Variants in INSYN2B observed in about 807,000 individuals in gnomAD.
INSYN2B encodes the protein protein INSYN2B.
In INSYN2B, 16 loss-of-function variants were observed where a neutral mutation model predicts 41.2. The observed-to-expected ratio is 0.39, with a 90% confidence interval of 0.26 to 0.59. INSYN2B has a LOEUF of 0.59. INSYN2B is among the 20% of genes least tolerant of loss of function. INSYN2B has a pLI of 0.57. For missense variants in INSYN2B, 608 were observed against 646.4 expected (o/e 0.94, Z 0.64); for synonymous variants, 245 against 244.4 (o/e 1.00, Z -0.02).
At chr5:169,951,560 A>G (rs1389885852) in intron 1 of INSYN2B, among the ~76,000 whole-genome samples, 1 of 152,226 alleles carries the variant, frequency 6.6e-6, no homozygotes, top group Non-Finnish European at 1.5e-5. Context: ...CTTGGATCAC[A>G]CCCTGATCAG....
intron 1 of INSYN2B, among the ~76,000 whole-genome samples, chr5:169,979,081 G>A (rs6876063): frequency 0.014 from 2,194 of 152,168 alleles, 54 homozygotes; most frequent in African/African-American, 0.049. Flanking sequence ...TAAATATGTC[G>A]ATTACAGAAT....
rs143970568 is a variant in INSYN2B, at chr5:169,869,075, T to C, written c.1422-4616A>G. On this transcript the variant is annotated intron_variant, in intron 3 of 3. Coordinates refer to ENST00000377365, the MANE Select transcript of INSYN2B (RefSeq NM_001129891.3). The stretch of plus-strand genomic sequence containing the variant: ...GGGATGCAATAGCAGCTGAAATCAC[T>C]GCACATGGAACACTGTCTTGGCCCA... Among the ~76,000 whole-genome samples, 1,296 of 152,276 alleles carry C rather than the reference T, an allele frequency of 8.5e-3. 21 individuals carry two copies. The highest frequency in any genetic ancestry group is 0.028 in the African/African-American group (1,144 of 41,542).
intron 1 of INSYN2B, among the ~76,000 whole-genome samples, chr5:169,973,427 T>C (rs146392520): frequency 4.6e-4 from 70 of 152,284 alleles, no homozygotes; most frequent in African/African-American, 1.6e-3. Context: ...ATACCTAGTG[T>C]GTGCCAGGCT....
In INSYN2B at chr5:169,925,678, C is replaced by T. The variant is rs1323388999; in HGVS notation, c.-918-40862G>A. 2.0e-5 allele frequency among the ~76,000 whole-genome samples: 3 copies of T among 148,452 alleles called. No individual in the cohort carries two copies. The Admixed American group carries it at 2.0e-4, about 10-fold the overall frequency. On this transcript the variant is annotated intron_variant, in intron 1 of 3. Transcript: ENST00000377365. Reference sequence around the variant, plus strand: ...TGTGACCTGTGGGACTTCTGTAGTTCAGTTTCTTCATCTGTAGAACGGAGT... The same window carrying T: ...TGTGACCTGTGGGACTTCTGTAGTTTAGTTTCTTCATCTGTAGAACGGAGT...
At chr5:169,923,366 G>C (rs774476326) in intron 1 of INSYN2B, among the ~76,000 whole-genome samples, 7 of 152,152 alleles carry the variant, frequency 4.6e-5, no homozygotes, top group Admixed American at 1.3e-4. Flanking sequence ...ATAATGAAGG[G>C]GCATACGCAG....
chr5:169,903,313 A>G (rs1467082428), intron 1 of INSYN2B, among the ~76,000 whole-genome samples: 1 of 57,724 alleles, frequency 1.7e-5, no homozygotes, highest in Non-Finnish European at 4.6e-5. Context: ...AACAACAATA[A>G]AAAAAAAAAA....
chr5:169,879,520 ATGAGGGATATATGCATACAAT>A (rs1267485505), intron 3 of INSYN2B, among the ~76,000 whole-genome samples: 1 of 152,174 alleles, frequency 6.6e-6, no homozygotes, highest in African/African-American at 2.4e-5. Flanking sequence ...TTGAATGGTA[ATGAGGGATATATGCATACAAT>A]TGCTGTTCTT....
intron 3 of INSYN2B, among the ~76,000 whole-genome samples, chr5:169,869,700 A>G (rs972754599): frequency 4.6e-5 from 7 of 152,240 alleles, no homozygotes; most frequent in Non-Finnish European, 1.0e-4. Context: ...TAAGTTGCCA[A>G]CTTGGTGAAA....
At chr5:169,915,043 C>T (rs1318202070) in intron 1 of INSYN2B, among the ~76,000 whole-genome samples, 1 of 152,196 alleles carries the variant, frequency 6.6e-6, no homozygotes, top group East Asian at 1.9e-4. Context: ...CCCTGGACAG[C>T]GACCAGCTGT....
intron 1 of INSYN2B, among the ~76,000 whole-genome samples, chr5:169,949,015 A>G (rs189696910): frequency 2.5e-4 from 38 of 152,314 alleles, no homozygotes; most frequent in Admixed American, 9.2e-4. Flanking sequence ...AAGCCTCTGC[A>G]TGTCCTCCCA....
At chr5:169,877,064 G>A (rs1362434275) in intron 3 of INSYN2B, among the ~76,000 whole-genome samples, 2 of 152,180 alleles carry the variant, frequency 1.3e-5, no homozygotes, top group Non-Finnish European at 2.9e-5. Context: ...TGGATTGTGA[G>A]GTTGTCCAGA....
intron 3 of INSYN2B, among the ~76,000 whole-genome samples, chr5:169,872,038 A>G (rs261020): frequency 0.79 from 119,534 of 152,102 alleles, 47,722 homozygotes; most frequent in African/African-American, 0.9. Flanking sequence ...CAGGCATGCC[A>G]ACAAGCCACT....
At chr5:169,925,010 A>T (rs957896271) in intron 1 of INSYN2B, among the ~76,000 whole-genome samples, 1 of 151,976 alleles carries the variant, frequency 6.6e-6, no homozygotes, top group Non-Finnish European at 1.5e-5. Flanking sequence ...CAGAGTATTG[A>T]CTCAAGTAAT....
intron 3 of INSYN2B, among the ~76,000 whole-genome samples, chr5:169,865,960 C>T (rs987199556): frequency 1.3e-5 from 2 of 152,198 alleles, no homozygotes; most frequent in Non-Finnish European, 2.9e-5. Context: ...CCATGCATGA[C>T]GAATGGAGCC....
intron 1 of INSYN2B, among the ~76,000 whole-genome samples, chr5:169,903,919 G>A (rs1278008888): frequency 6.6e-6 from 1 of 151,968 alleles, no homozygotes; most frequent in Non-Finnish European, 1.5e-5. Context: ...GGCCAACATG[G>A]CGAAGCTCTG....
At chr5:169,870,409 T>A (rs536572726) in intron 3 of INSYN2B, among the ~76,000 whole-genome samples, 2 of 152,210 alleles carry the variant, frequency 1.3e-5, no homozygotes, top group East Asian at 3.9e-4. Flanking sequence ...GATAAGCTCA[T>A]GAGCAAACAA....
chr5:169,936,303 G>T (rs555845189), intron 1 of INSYN2B, among the ~76,000 whole-genome samples: 1 of 152,316 alleles, frequency 6.6e-6, no homozygotes, highest in South Asian at 2.1e-4. Context: ...GGGCTAGGCT[G>T]CAGCAAGGGC....
chr5:169,880,872 A>G (rs1056795878), intron 3 of INSYN2B, among the ~76,000 whole-genome samples: 4 of 152,222 alleles, frequency 2.6e-5, no homozygotes, highest in African/African-American at 7.2e-5. Flanking sequence ...AGGAAATGAC[A>G]TACTTAGAAA....
chr5:169,918,185 C>A (rs965173747), intron 1 of INSYN2B, among the ~76,000 whole-genome samples: 1 of 152,192 alleles, frequency 6.6e-6, no homozygotes, highest in Non-Finnish European at 1.5e-5. Context: ...AATACAGAAA[C>A]CACATATGAT....
Sources: gnomAD v4.1 joint callset for allele counts (sites outside exome capture counted in the v4.1 genomes callset) on GRCh38, gnomAD v4.1.1 for gene constraint, MANE v1.5 for transcripts, NCBI Gene and HGNC (gene_info 2026-07-23, HGNC 2026-07-21) for gene names.